The following ZNF595 variants were observed in gnomAD, a reference collection of about 807,000 sequenced individuals.
ZNF595 encodes zinc finger protein 595.
Under a neutral mutation model 19.4 loss-of-function variants are expected in ZNF595, and 9 were observed. The observed-to-expected ratio is 0.46, with a 90% CI of 0.28 to 0.81. The LOEUF is 0.81. Ranked by LOEUF, ZNF595 falls within the 30% of genes least tolerant of loss-of-function variation. The pLI is 0.11. For missense variants in ZNF595, 729 were observed against 736.0 expected (o/e 0.99, Z 0.11); for synonymous variants, 255 against 255.9 (o/e 1.00, Z 0.03).
intron 3 of ZNF595, among the ~76,000 whole-genome samples, chr4:73,749 T>TA (rs1471536617): frequency 4.6e-5 from 7 of 152,222 alleles, no homozygotes; most frequent in African/African-American, 1.7e-4. Flanking sequence ...GTTTTTTCAT[T>TA]AAGTTCTGTG....
In ZNF595 at chr4:88,037, A is replaced by T. The variant is rs1298480026; in HGVS notation, c.*586A>T. The T allele has an allele frequency of 6.6e-6, 1 of 151,650 alleles. No homozygotes were observed. Among genetic ancestry groups the T allele is most frequent in the Non-Finnish European group, 1.5e-5 (1 of 68,028 alleles). 9.4% of individuals were successfully genotyped at this position (151,650 alleles called of 1,614,324 possible). On this transcript the variant is annotated 3_prime_UTR_variant, in exon 4 of 4. Coordinates refer to ENST00000610261, the MANE Select transcript of ZNF595 (RefSeq NM_182524.4). ...ACCTGGCCACTTTAATTATTTTTAA[A>T]TGTGCAATTATTTTTTTACTACAGG...
At chr4:82,073 A>G (rs1453002230) in intron 3 of ZNF595, among the ~76,000 whole-genome samples, 2 of 152,096 alleles carry the variant, frequency 1.3e-5, no homozygotes, top group African/African-American at 4.8e-5. Context: ...GTATACCCAT[A>G]CTAAATTTTT....
At position 86,161 on chromosome 4, in the gene ZNF595, G is replaced by A; in HGVS notation, c.657G>A (p.Lys219=). 6.2e-7 allele frequency: 1 copy of A among 1,613,598 alleles called. No individual in the cohort carries two copies. Among genetic ancestry groups the A allele is most frequent in the Non-Finnish European group, 8.5e-7 (1 of 1,179,856 alleles). The change falls in exon 4 of 4, where the codon AAG becomes AAA. Residue 219 remains lysine (K), a synonymous_variant. Transcript: ENST00000610261. The stretch of plus-strand genomic sequence containing the variant: ...GGTCCACATCACTTAGTAAACATAA[G>A]AGAATTCATACTGGAGAGAAACCCT... ...FNRSTSLSKH[K]RIHTGEKPYT...
chr4:77,188 CT>C (rs558395401), intron 3 of ZNF595, among the ~76,000 whole-genome samples: 19 of 150,084 alleles, frequency 1.3e-4, no homozygotes, highest in Admixed American at 6.0e-4. Flanking sequence ...ACTTTGCTGA[CT>C]TTTTTTCTGT....
At chr4:82,020 G>A (rs984591847) in intron 3 of ZNF595, among the ~76,000 whole-genome samples, 4 of 152,104 alleles carry the variant, frequency 2.6e-5, no homozygotes, top group African/African-American at 7.2e-5. Context: ...GTAAGAGTGT[G>A]TATTTTTCCT....
intron 3 of ZNF595, among the ~76,000 whole-genome samples, chr4:78,760 C>G (rs1713778263): frequency 6.6e-6 from 1 of 152,010 alleles, no homozygotes; most frequent in Non-Finnish European, 1.5e-5. Context: ...CTCTTGTTGC[C>G]CAAGCTGGAG....
rs781891070 is a variant in ZNF595 at position 86,319 on chromosome 4, A to G, written c.815A>G (p.Asn272Ser). 6 of 1,613,576 alleles carry G rather than the reference A, an allele frequency of 3.7e-6. 1 individual carries two copies. Among genetic ancestry groups the G allele is most frequent in the Admixed American group, 3.3e-5 (2 of 59,984 alleles). ...GCCTTTACAAGGTCCACAACACTGA[A>G]TGAACACAAGAAAATTCATACTGGA... is the stretch of plus-strand genomic sequence containing the variant. ...GKAFTRSTTL[N>S]EHKKIHTGEK... The change falls in exon 4 of 4, where the codon AAT becomes AGT. Residue 272 changes from asparagine to serine, a missense_variant. Asn to Ser is a conservative substitution (Grantham distance 46). Transcript: ENST00000610261.
rs782373333 is a variant in ZNF595, at chr4:87,304, C to A, written c.1800C>A (p.Ala600=). Residue 600 remains alanine (A), a synonymous_variant, in exon 4 of 4, where the codon GCC becomes GCA. Transcript: ENST00000610261. ...TCACATGTGAAGAATGTGGCAAAGC[C>A]TTCAATTGGTCCTCATCCCTTACTA... The part of the protein sequence containing the change: ...KPFTCEECGK[A]FNWSSSLTKH... 1 of 1,613,090 alleles carries A rather than the reference C, an allele frequency of 6.2e-7. No homozygotes were observed. Among genetic ancestry groups the A allele is most frequent in the South Asian group, 1.1e-5 (1 of 90,944 alleles).
chr4:80,812 C>A (rs536040413), intron 3 of ZNF595, among the ~76,000 whole-genome samples: 1 of 150,796 alleles, frequency 6.6e-6, no homozygotes, highest in Admixed American at 6.6e-5. Context: ...CACGTGCAGG[C>A]TTGGGCTCAG....
intron 3 of ZNF595, among the ~76,000 whole-genome samples, chr4:79,552 T>C (rs1713816352): frequency 6.6e-6 from 1 of 152,238 alleles, no homozygotes; most frequent in Non-Finnish European, 1.5e-5. Context: ...CATGAATTTG[T>C]TACTGGGCTC....
rs1714324182 is a variant in ZNF595 at position 88,207 on chromosome 4, TA to T, written c.*757del. ...ATAAATGCAGACTTTGGTTTTGATT[TA>T]CATGGAGTTAAATATGTAAATGTAT... On this transcript the variant is annotated 3_prime_UTR_variant, in exon 4 of 4. Transcript: ENST00000610261. The T allele has an allele frequency of 6.6e-6, 1 of 152,212 alleles. No homozygotes were observed. Among genetic ancestry groups the T allele is most frequent in the Non-Finnish European group, 1.5e-5 (1 of 68,038 alleles). The allele number at this position is 152,212 out of a possible 1,614,324, so 9.4% of individuals were successfully genotyped here. A position where few individuals can be genotyped will look rare whatever the true frequency, so the allele number is the denominator to read the frequency against.
intron 3 of ZNF595, among the ~76,000 whole-genome samples, chr4:66,998 C>T (rs1374488742): frequency 2.4e-4 from 35 of 143,510 alleles, no homozygotes; most frequent in East Asian, 1.4e-3. Flanking sequence ...ATTAGGCTTA[C>T]GTTGAATTTG....
intron 3 of ZNF595, among the ~76,000 whole-genome samples, chr4:82,425 C>T (rs1236200140): frequency 1.5e-5 from 2 of 131,802 alleles, no homozygotes; most frequent in African/African-American, 5.9e-5. Flanking sequence ...CTCTTGTTGC[C>T]CAAGCTGGAG....
In ZNF595 at chr4:86,914, T is replaced by G; in HGVS notation, c.1410T>G (p.His470Gln). The part of the protein sequence containing the change: ...AFTRSTTLNE[H>Q]KKIHTGEKPY... Reference sequence around the variant, plus strand: ...CACGGTCCACAACACTGAACGAACATAAGAAAATTCATACTGGCGAGAAAC... The same window carrying G: ...CACGGTCCACAACACTGAACGAACAGAAGAAAATTCATACTGGCGAGAAAC... Residue 470 changes from histidine to glutamine, a missense_variant, in exon 4 of 4, where the codon CAT becomes CAG. Coordinates refer to ENST00000610261, the MANE Select transcript of ZNF595 (RefSeq NM_182524.4). The G allele has an allele frequency of 6.2e-7, 1 of 1,609,936 alleles. No homozygotes were observed. Among genetic ancestry groups the G allele is most frequent in the Non-Finnish European group, 8.5e-7 (1 of 1,177,874 alleles).
Position 86,715 on chromosome 4 carries a change from C to G in ZNF595, c.1211C>G (p.Ala404Gly). ...TACACATGTGAAGAATGTGGCAAAGCTTTTTATAGGTCCTCACACCTTGCT... is the reference window on the plus strand; with the variant it reads ...TACACATGTGAAGAATGTGGCAAAGGTTTTTATAGGTCCTCACACCTTGCT... ...KPYTCEECGK[A>G]FYRSSHLAKH... The change falls in exon 4 of 4, where the codon GCT becomes GGT. Residue 404 changes from alanine (A) to glycine (G), a missense_variant. This residue lies in a region of ZNF595 where 729 missense variants were observed against 675.3 expected (regional missense o/e 1.08). Coordinates refer to ENST00000610261, the MANE Select transcript of ZNF595 (RefSeq NM_182524.4). 1.2e-6 allele frequency: 2 copies of G among 1,613,686 alleles called. No homozygotes were observed. Among genetic ancestry groups the G allele is most frequent in the African/African-American group, 1.3e-5 (1 of 74,980 alleles).
intron 3 of ZNF595, among the ~76,000 whole-genome samples, chr4:66,726 A>G (rs1218396075): frequency 2.0e-5 from 3 of 152,246 alleles, no homozygotes; most frequent in Admixed American, 6.5e-5. Context: ...GGTTATAGCA[A>G]CCTTGTTGAA....
Position 86,082 on chromosome 4 carries a change from T to C in ZNF595, c.578T>C (p.Ile193Thr), listed in dbSNP as rs375945394. ...YMSHLTQHTG[I>T]HAGEKPYKCE... is the part of the protein sequence containing the mutation. ...TCACACCTAACTCAACATACAGGAATTCATGCTGGAGAGAAACCCTACAAA... is the reference window on the plus strand; with the variant it reads ...TCACACCTAACTCAACATACAGGAACTCATGCTGGAGAGAAACCCTACAAA... Residue 193 changes from isoleucine (I) to threonine (T), a missense_variant, in exon 4 of 4, where the codon ATT becomes ACT. Around this residue, in one of 2 missense-constraint regions of ZNF595, gnomAD observed 729 missense variants for 675.3 expected, o/e 1.08. Transcript: ENST00000610261. 1.2e-4 allele frequency: 194 copies of C among 1,613,388 alleles called. No individual in the cohort carries two copies. The African/African-American group carries it at 2.3e-3, about 19-fold the overall frequency.
intron 3 of ZNF595, among the ~76,000 whole-genome samples, chr4:81,104 T>G (rs532629768): frequency 2.0e-5 from 3 of 152,304 alleles, no homozygotes; most frequent in African/African-American, 7.2e-5. Flanking sequence ...GTTCCTGTGT[T>G]TGTTTGCTGA....
intron 3 of ZNF595, among the ~76,000 whole-genome samples, chr4:81,948 C>T (rs1439546258): frequency 6.6e-6 from 1 of 152,048 alleles, no homozygotes; most frequent in African/African-American, 2.4e-5. Flanking sequence ...CATTTATTTG[C>T]TTTCACTAAC....
Sources: allele counts gnomAD v4.1 joint callset (sites outside exome capture counted in the v4.1 genomes callset), GRCh38; gene constraint gnomAD v4.1.1; regional missense constraint gnomAD v4.1.1; transcripts MANE v1.5; gene names NCBI Gene and HGNC (gene_info 2026-07-23, HGNC 2026-07-21).